The following PRKG1 variants were observed in gnomAD, a reference collection of about 807,000 sequenced individuals.
The protein encoded by PRKG1 is protein kinase cGMP-dependent 1, also known as cGMP-dependent protein kinase 1.
Under a neutral mutation model 88.1 loss-of-function variants are expected in PRKG1, and 35 were observed. That is an observed-to-expected ratio of 0.40 (90% CI 0.30 to 0.53). The LOEUF (loss-of-function observed/expected upper bound fraction) is 0.53, where lower values mean the gene tolerates loss of function less well. Among genes scored for constraint, PRKG1 ranks in the 20% least tolerant of loss-of-function variants. The pLI is 0.59. For synonymous variants in PRKG1, 303 were observed against 292.5 expected (o/e 1.04, Z -0.37); for missense variants, 540 against 839.8 (o/e 0.64, Z 4.41).
chr10:51,222,826 GT>G (rs1170541066), intron 2 of PRKG1, among the ~76,000 whole-genome samples: 1 of 151,998 alleles, frequency 6.6e-6, no homozygotes, highest in Non-Finnish European at 1.5e-5. Context: ...GAATTCTGCA[GT>G]TTTTTCCAGG....
intron 2 of PRKG1, among the ~76,000 whole-genome samples, chr10:51,436,487 C>T (rs1429760766): frequency 6.6e-6 from 1 of 151,960 alleles, no homozygotes; most frequent in Non-Finnish European, 1.5e-5. Context: ...CCCAAGGTGC[C>T]TTGAGAAGGG....
At chr10:51,182,645 A>C (rs1304661822) in intron 2 of PRKG1, among the ~76,000 whole-genome samples, 2 of 152,310 alleles carry the variant, frequency 1.3e-5, no homozygotes, top group Non-Finnish European at 2.9e-5. Flanking sequence ...GGGTTATGGC[A>C]GGTAATATAG....
intron 9 of PRKG1, among the ~76,000 whole-genome samples, chr10:52,190,331 A>T (rs1839330624): frequency 6.6e-6 from 1 of 152,210 alleles, no homozygotes; most frequent in African/African-American, 2.4e-5. Flanking sequence ...TATTCTGTTA[A>T]AACAGAATAC....
At chr10:51,533,030 A>G (rs1166290577) in intron 3 of PRKG1, among the ~76,000 whole-genome samples, 1 of 152,186 alleles carries the variant, frequency 6.6e-6, no homozygotes, top group African/African-American at 2.4e-5. Context: ...AGAACCTGAC[A>G]GTTCCGAGAA....
intron 3 of PRKG1, among the ~76,000 whole-genome samples, chr10:51,486,591 A>G (rs560616131): frequency 1.3e-5 from 2 of 152,234 alleles, no homozygotes; most frequent in South Asian, 2.1e-4. Flanking sequence ...CCCTCCACCT[A>G]TTTTGAGTAA....
chr10:51,010,273 A>G (rs1320666885), intron 1 of PRKG1, among the ~76,000 whole-genome samples: 1 of 152,264 alleles, frequency 6.6e-6, no homozygotes, highest in Admixed American at 6.5e-5. Flanking sequence ...GGGTGAGGCC[A>G]TTAATGGCAT....
intron 3 of PRKG1, among the ~76,000 whole-genome samples, chr10:51,575,274 G>A (rs912740997): frequency 6.6e-6 from 1 of 151,960 alleles, no homozygotes; most frequent in African/African-American, 2.4e-5. Flanking sequence ...TCAATAAGAA[G>A]TTGGCCTTTT....
intron 3 of PRKG1, among the ~76,000 whole-genome samples, chr10:51,530,856 G>A (rs1304612436): frequency 6.6e-6 from 1 of 152,124 alleles, no homozygotes; most frequent in Non-Finnish European, 1.5e-5. Flanking sequence ...TTTGTTCTCT[G>A]TGCTGATTCT....
intron 5 of PRKG1, among the ~76,000 whole-genome samples, chr10:51,942,851 T>C (rs1159331320): frequency 1.1e-4 from 16 of 150,944 alleles, no homozygotes; most frequent in Non-Finnish European, 2.2e-4. Flanking sequence ...TTTTGGTTAC[T>C]GTAGCCTTGT....
At chr10:51,337,940 A>G (rs1485983784) in intron 2 of PRKG1, among the ~76,000 whole-genome samples, 1 of 152,216 alleles carries the variant, frequency 6.6e-6, no homozygotes, top group African/African-American at 2.4e-5. Context: ...TTACAAAGCT[A>G]CATGCATGTA....
chr10:51,718,714 AAAAATC>A (rs1485207553), intron 3 of PRKG1, among the ~76,000 whole-genome samples: 6 of 152,220 alleles, frequency 3.9e-5, no homozygotes, highest in Non-Finnish European at 8.8e-5. Flanking sequence ...TGTAGAATCT[AAAAATC>A]AAAACAATTG....
intron 3 of PRKG1, among the ~76,000 whole-genome samples, chr10:51,594,168 T>C (rs1469332390): frequency 3.3e-5 from 5 of 151,992 alleles, no homozygotes; most frequent in Non-Finnish European, 5.9e-5. Context: ...GGACTAGAGG[T>C]GTATGCCAAC....
At chr10:51,904,241 T>C (rs1278156119) in intron 4 of PRKG1, among the ~76,000 whole-genome samples, 4 of 152,138 alleles carry the variant, frequency 2.6e-5, no homozygotes, top group African/African-American at 9.6e-5. Context: ...AATTATTTTT[T>C]TTTGCATAAC....
intron 2 of PRKG1, among the ~76,000 whole-genome samples, chr10:51,436,247 T>C (rs1281765218): frequency 1.3e-5 from 2 of 151,676 alleles, no homozygotes; most frequent in African/African-American, 4.8e-5. Flanking sequence ...CTGTCGTTGA[T>C]CAGTGGTACT....
chr10:51,700,193 C>G (rs1468302753), intron 3 of PRKG1, among the ~76,000 whole-genome samples: 2 of 152,194 alleles, frequency 1.3e-5, no homozygotes, highest in Non-Finnish European at 2.9e-5. Context: ...TAAACTGAAG[C>G]GTGTGCCGGC....
intron 3 of PRKG1, among the ~76,000 whole-genome samples, chr10:51,515,973 C>T (rs763869649): frequency 5.9e-5 from 9 of 152,170 alleles, no homozygotes; most frequent in Admixed American, 2.6e-4. Flanking sequence ...GTTATCAGCT[C>T]AGTGGGCCCT....
chr10:51,271,193 A>G (rs1839970224), intron 2 of PRKG1, among the ~76,000 whole-genome samples: 1 of 152,118 alleles, frequency 6.6e-6, no homozygotes, highest in Non-Finnish European at 1.5e-5. Context: ...ATATATGACT[A>G]GATGGTTGGG....
intron 7 of PRKG1, among the ~76,000 whole-genome samples, chr10:52,093,168 A>G (rs1185887915): frequency 6.6e-6 from 1 of 152,170 alleles, no homozygotes; most frequent in Non-Finnish European, 1.5e-5. Context: ...ATACATGACA[A>G]ATATTATATT....
At chr10:52,264,713 C>CAAGG (rs1273754410) in intron 10 of PRKG1, among the ~76,000 whole-genome samples, 1 of 152,024 alleles carries the variant, frequency 6.6e-6, no homozygotes, top group Non-Finnish European at 1.5e-5. Context: ...TGCCTGGATT[C>CAAGG]CCTTATGCCT....
Sources: allele counts gnomAD v4.1 joint callset (sites outside exome capture counted in the v4.1 genomes callset), GRCh38; gene constraint gnomAD v4.1.1; transcripts MANE v1.5; gene names NCBI Gene and HGNC (gene_info 2026-07-23, HGNC 2026-07-21).